Variants in GLIS3 observed in about 807,000 individuals in gnomAD.
GLIS3 encodes zinc finger protein GLIS3.
In GLIS3, 53 loss-of-function variants were observed where a neutral mutation model predicts 78.6. The observed-to-expected ratio is 0.67, with a 90% CI of 0.54 to 0.85. The LOEUF is 0.85. Ranked by LOEUF, GLIS3 falls within the 40% of genes least tolerant of loss-of-function variation. The pLI is 0.00. For missense variants in GLIS3, 1,703 were observed against 1,231.1 expected (o/e 1.38, Z -5.74); for synonymous variants, 684 against 509.9 (o/e 1.34, Z -4.60).
chr9:4,116,530 A>G (rs1347170287), intron 4 of GLIS3, among the ~76,000 whole-genome samples: 5 of 152,256 alleles, frequency 3.3e-5, no homozygotes, highest in Admixed American at 1.3e-4. Context: ...AACTCTTTCA[A>G]AAATACCTAC....
chr9:4,324,685 A>T (rs1817577681), intron 2 of GLIS3, among the ~76,000 whole-genome samples: 1 of 152,212 alleles, frequency 6.6e-6, no homozygotes, highest in Non-Finnish European at 1.5e-5. Flanking sequence ...AATCACTAAG[A>T]AAAATGCAAG....
At chr9:4,357,080 T>A in the GLIS3 span, among the ~76,000 whole-genome samples, 5 of 152,334 alleles carry the variant, frequency 3.3e-5, no homozygotes, top group East Asian at 9.6e-4. Flanking sequence ...AAACAAAAGT[T>A]CTATTTTAGT....
At position 4,132,979 on chromosome 9, in the gene GLIS3, G is replaced by C. The variant is rs76056565; in HGVS notation, c.389-7038C>G. On this transcript the variant is annotated intron_variant, in intron 2 of 10. Transcript: ENST00000381971. ...CATAAGGTTGTTCTGAGGATTAAAAGGGTTAGTAAATATCAATATATGCCT... is the reference window on the plus strand; with the variant it reads ...CATAAGGTTGTTCTGAGGATTAAAACGGTTAGTAAATATCAATATATGCCT... 2.0e-4 allele frequency among the ~76,000 whole-genome samples: 31 copies of C among 152,198 alleles called. No homozygotes were observed. In the East Asian group the frequency reaches 5.0e-3, roughly 25 times the overall value.
chr9:4,313,365 T>A (rs928883603), intron 2 of GLIS3, among the ~76,000 whole-genome samples: 3 of 152,064 alleles, frequency 2.0e-5, no homozygotes, highest in East Asian at 3.9e-4. Context: ...CTGTGCCACC[T>A]CCCCCTCTCC....
At chr9:3,948,488 C>T (rs1446699312) in intron 4 of GLIS3, among the ~76,000 whole-genome samples, 2 of 152,142 alleles carry the variant, frequency 1.3e-5, no homozygotes, top group South Asian at 2.1e-4. Context: ...ACTTTGATCC[C>T]TATAATTCTT....
chr9:3,911,282 A>G (rs373978265), intron 6 of GLIS3, among the ~76,000 whole-genome samples: 2 of 152,310 alleles, frequency 1.3e-5, no homozygotes, highest in South Asian at 4.1e-4. Flanking sequence ...ATCATCATCA[A>G]GTAAAATCCT....
At chr9:4,327,981 G>T (rs191302021) in intron 2 of GLIS3, among the ~76,000 whole-genome samples, 1 of 113,702 alleles carries the variant, frequency 8.8e-6, no homozygotes, top group East Asian at 3.3e-4. Flanking sequence ...AAAGTAGGAA[G>T]GCAAAAGCCT....
chr9:4,349,400 G>A (rs1817934047), upstream of GLIS3, among the ~76,000 whole-genome samples: 1 of 152,014 alleles, frequency 6.6e-6, no homozygotes, highest in African/African-American at 2.4e-5. Flanking sequence ...TAATTAACTG[G>A]AATTATTTTA....
At chr9:4,308,043 G>A (rs1029284487) in intron 4 of GLIS3, among the ~76,000 whole-genome samples, 2 of 152,096 alleles carry the variant, frequency 1.3e-5, no homozygotes, top group Admixed American at 6.5e-5. Flanking sequence ...GCTGGCTCTG[G>A]GCTCTCACAG....
At chr9:4,377,353 C>T in the GLIS3 span, among the ~76,000 whole-genome samples, 9 of 135,526 alleles carry the variant, frequency 6.6e-5, 3 homozygotes, top group Non-Finnish European at 1.5e-4. Context: ...ATTCCTCCCA[C>T]CCTAGGACAT....
the GLIS3 span, among the ~76,000 whole-genome samples, chr9:4,385,493 G>C: frequency 2.0e-5 from 3 of 151,852 alleles, no homozygotes; most frequent in Non-Finnish European, 4.4e-5. Context: ...GCATAACCCT[G>C]TCTCTACTAA....
chr9:3,941,018 C>A (rs1389561833), intron 4 of GLIS3, among the ~76,000 whole-genome samples: 2 of 151,996 alleles, frequency 1.3e-5, no homozygotes, highest in Non-Finnish European at 2.9e-5. Flanking sequence ...ATTCTCTGAC[C>A]CCAGAATCAG....
At chr9:4,304,083 T>C (rs573793809), upstream of GLIS3, among the ~76,000 whole-genome samples, 3 of 152,310 alleles carry the variant, frequency 2.0e-5, no homozygotes, top group East Asian at 5.8e-4. Context: ...ATCTGATAAA[T>C]GGATTAATTA....
At chr9:4,081,722 G>A (rs1052523670) in intron 4 of GLIS3, among the ~76,000 whole-genome samples, 8 of 152,178 alleles carry the variant, frequency 5.3e-5, no homozygotes, top group Non-Finnish European at 1.2e-4. Context: ...GCCAGACTCT[G>A]AATCGGATGC....
At chr9:4,480,484 G>T in the GLIS3 span, among the ~76,000 whole-genome samples, 82 of 151,922 alleles carry the variant, frequency 5.4e-4, no homozygotes, top group African/African-American at 1.8e-3. Context: ...TATAGGCATG[G>T]GCCACCATGC....
chr9:4,104,349 C>T (rs1024836804), intron 4 of GLIS3, among the ~76,000 whole-genome samples: 1 of 152,038 alleles, frequency 6.6e-6, no homozygotes, highest in African/African-American at 2.4e-5. Context: ...GTCTCTATAC[C>T]TCATATGCAA....
At chr9:3,916,466 T>C (rs751843944) in intron 6 of GLIS3, among the ~76,000 whole-genome samples, 2 of 152,250 alleles carry the variant, frequency 1.3e-5, no homozygotes, top group South Asian at 2.1e-4. Context: ...TTGGTTCTCA[T>C]TGACGCCACT....
In GLIS3 at chr9:3,829,365, G is replaced by A. The variant is rs776053211; in HGVS notation, c.2601C>T (p.Gly867=). The A allele has an allele frequency of 3.1e-6, 5 of 1,614,046 alleles. No individual in the cohort carries two copies. Among genetic ancestry groups the A allele is most frequent in the Admixed American group, 1.7e-5 (1 of 60,024 alleles). The change falls in exon 10 of 11, where the codon GGC becomes GGT. Residue 867 remains glycine (G), a synonymous_variant. Coordinates refer to ENST00000381971, the MANE Select transcript of GLIS3 (RefSeq NM_001042413.2). ...FEDCLVPTSM[G]QASFDVFHRA... is the part of the protein sequence containing the mutation. ...TGTGGAAAACATCAAAACTGGCCTGGCCCATGGATGTAGGGACTAGGCAGT... is the reference window on the plus strand; with the variant it reads ...TGTGGAAAACATCAAAACTGGCCTGACCCATGGATGTAGGGACTAGGCAGT...
intron 2 of GLIS3, among the ~76,000 whole-genome samples, chr9:4,151,270 T>C (rs1391906266): frequency 6.6e-6 from 1 of 152,198 alleles, no homozygotes; most frequent in Non-Finnish European, 1.5e-5. Flanking sequence ...TGTATGACTC[T>C]TCAGGAGAAA....
Sources: allele counts gnomAD v4.1 joint callset (sites outside exome capture counted in the v4.1 genomes callset), GRCh38; gene constraint gnomAD v4.1.1; transcripts MANE v1.5; gene names NCBI Gene and HGNC (gene_info 2026-07-23, HGNC 2026-07-21).